The following TULP2 variants were observed in gnomAD, a reference collection of about 807,000 sequenced individuals.
TULP2 encodes TUB like protein 2, also known as tubby-related protein 2.
TULP2 carries 64 observed loss-of-function variants against 60.3 expected under a neutral mutation model. The observed-to-expected ratio is 1.06, with a 90% CI of 0.87 to 1.31. The LOEUF is 1.31. Among genes scored for constraint, TULP2 ranks in the 50% most tolerant of loss-of-function variants. TULP2 has a pLI of 0.00. For missense variants in TULP2, 652 were observed against 667.0 expected, an observed-to-expected ratio of 0.98 and a Z score of 0.25; for synonymous variants, 267 against 265.4, an observed-to-expected ratio of 1.01 and a Z score of -0.06.
At chr19:48,896,356 T>A in intron 4 of TULP2, 74 bp downstream of exon 4, 1 of 1,490,274 alleles carries the variant, frequency 6.7e-7, no homozygotes, top group Non-Finnish European at 8.9e-7. Context: ...CACCCCTTCA[T>A]CCACTAGGCC....
chr19:48,885,471 C>T lies in TULP2; in HGVS notation c.1038G>A (p.Gly346=). ...ACCTGACTTTGCCCACGAAATTGTC[C>T]CCGTCCCGAGATAGGTGTGTAGGAT... ...SLDPTHLSRD[G]DNFVGKVRSN... The change falls in exon 9 of 13, where the codon GGG becomes GGA. Residue 346 remains glycine (G), a synonymous_variant. Coordinates refer to ENST00000221399, the MANE Select transcript of TULP2 (RefSeq NM_003323.3). 2 of 1,613,972 alleles carry T rather than the reference C, an allele frequency of 1.2e-6. No individual in the cohort carries two copies. Among genetic ancestry groups the T allele is most frequent in the Non-Finnish European group, 1.7e-6 (2 of 1,179,936 alleles).
rs765354268 is a variant in TULP2 at position 48,883,852 on chromosome 19, C to T, written c.1177G>A (p.Glu393Lys). ...IRQELGAVCY[E>K]PNVLGYLGPR... ...CCCAGGTATCCTAAGACGTTGGGCT[C>T]CTGGGGGTATTACATTCCAGTTGGC... The change falls in exon 11 of 13, where the codon GAG becomes AAG. Residue 393 changes from glutamate (E) to lysine (K), a missense_variant and splice_region_variant. Transcript: ENST00000221399. 3 of 1,613,992 alleles carry T rather than the reference C, an allele frequency of 1.9e-6. No homozygotes were observed. The African/African-American group carries it at 4.0e-5, about 22-fold the overall frequency.
At position 48,881,134 on chromosome 19, in the gene TULP2, G is replaced by A. The variant is rs1190499937; in HGVS notation, c.1448-8C>T. On this transcript the variant is annotated splice_polypyrimidine_tract_variant and splice_region_variant and intron_variant, in intron 12 of 12. Coordinates refer to ENST00000221399, the MANE Select transcript of TULP2 (RefSeq NM_003323.3). ...GGAGCACCAGATGTTCTTCTGAGAA[G>A]TGAATCAGGAACAAAGCCTTAGCCT... 1.9e-6 allele frequency: 3 copies of A among 1,578,434 alleles called. No individual in the cohort carries two copies. In the African/African-American group the frequency reaches 4.1e-5, roughly 21 times the overall value.
At chr19:48,891,338 A>AG (rs2037231290) in intron 6 of TULP2, among the ~76,000 whole-genome samples, 1 of 134,698 alleles carries the variant, frequency 7.4e-6, no homozygotes, top group Non-Finnish European at 1.6e-5. Flanking sequence ...AAAAAAAAAA[A>AG]ATTTGTTAGG....
chr19:48,884,128 C>G lies in TULP2; in HGVS notation c.1062-82G>C, dbSNP rs761937184. 6.8e-5 allele frequency: 74 copies of G among 1,095,618 alleles called. 1 individual carries two copies. In the Middle Eastern group the frequency reaches 1.2e-3, roughly 18 times the overall value. 67.9% of individuals were successfully genotyped at this position (1,095,618 alleles called of 1,614,324 possible). A position where few individuals can be genotyped will look rare whatever the true frequency, so the allele number is the denominator to read the frequency against. On this transcript the variant is annotated intron_variant, in intron 9 of 12. Coordinates refer to ENST00000221399, the MANE Select transcript of TULP2 (RefSeq NM_003323.3). ...GTGTCACTCATCGCATCGACTCTTC[C>G]CATCAATCCCCTATGTCTAAGACTA...
At position 48,895,438 on chromosome 19, in the gene TULP2, C is replaced by T; in HGVS notation, c.277G>A (p.Ala93Thr). Residue 93 changes from alanine (A) to threonine (T), a missense_variant, in exon 5 of 13, where the codon GCC (alanine) becomes ACC (threonine). Ala to Thr is a moderately conservative substitution (Grantham distance 58). Coordinates refer to ENST00000221399, the MANE Select transcript of TULP2 (RefSeq NM_003323.3). The part of the protein sequence containing the change: ...EAHLPSGIHS[A>T]LGTVSCGGDG... ...CCACCACAGCTCACGGTGCCCAGGG[C>T]ACTGTGGATGCCAGAGGGCAGATGT... The T allele has an allele frequency of 6.2e-7, 1 of 1,613,890 alleles. No homozygotes were observed. Among genetic ancestry groups the T allele is most frequent in the Non-Finnish European group, 8.5e-7 (1 of 1,179,908 alleles).
At position 48,884,845 on chromosome 19, in the gene TULP2, T is replaced by C. The variant is rs565953361; in HGVS notation, c.1061+603A>G. 4.0e-5 allele frequency among the ~76,000 whole-genome samples: 6 copies of C among 151,830 alleles called. No individual in the cohort carries two copies. In the South Asian group the frequency reaches 1.2e-3, roughly 32 times the overall value. On this transcript the variant is annotated intron_variant, in intron 9 of 12. Coordinates refer to ENST00000221399, the MANE Select transcript of TULP2 (RefSeq NM_003323.3). ...CCATGGTCCCAGGCCCCCTCATTTC[T>C]TGGGTGAGCCATGTACTTTATGTAG...
At chr19:48,888,644 C>G (rs2037205290) in intron 7 of TULP2, among the ~76,000 whole-genome samples, 1 of 152,136 alleles carries the variant, frequency 6.6e-6, no homozygotes, top group Admixed American at 6.6e-5. Context: ...TTTTTTAAGA[C>G]AGAGTTTCGC....
intron 8 of TULP2, 102 bp downstream of exon 8, chr19:48,887,848 G>T: frequency 7.7e-7 from 1 of 1,303,986 alleles, no homozygotes. Flanking sequence ...GTGAGCCACT[G>T]TGCCCAGCCC....
chr19:48,897,008 G>C lies in TULP2; in HGVS notation c.84+337C>G, dbSNP rs570171202. On this transcript the variant is annotated intron_variant, in intron 3 of 12. Coordinates refer to ENST00000221399, the MANE Select transcript of TULP2 (RefSeq NM_003323.3). The surrounding 1 kb of genome is among the most constrained non-coding windows in gnomAD (Gnocchi z 4.0). ...GGATTCAAACGATTCTCCTGCCTCA[G>C]CCTCCCGAGTAGCTGGGATTACAGG... Among the ~76,000 whole-genome samples, 2 of 151,856 alleles carry C rather than the reference G, an allele frequency of 1.3e-5. No homozygotes were observed. Among genetic ancestry groups the C allele is most frequent in the Admixed American group, 6.6e-5 (1 of 15,218 alleles).
In TULP2 at chr19:48,895,421, G is replaced by T; in HGVS notation, c.294C>A (p.Ser98Arg). 1 of 1,614,012 alleles carries T rather than the reference G, an allele frequency of 6.2e-7. No individual in the cohort carries two copies. The highest frequency in any genetic ancestry group is 8.5e-7 in the Non-Finnish European group (1 of 1,179,986). The change falls in exon 5 of 13, where the codon AGC becomes AGA. Residue 98 changes from serine to arginine, a missense_variant. Transcript: ENST00000221399. ...GCTCGCCCCTGCCGTCTCCACCACA[G>T]CTCACGGTGCCCAGGGCACTGTGGA... ...SGIHSALGTVSCGGDGRGERG... is the reference protein window; with the variant it reads ...SGIHSALGTVRCGGDGRGERG...
intron 6 of TULP2, among the ~76,000 whole-genome samples, chr19:48,892,922 CTCAA>C (rs2037246745): frequency 6.9e-6 from 1 of 144,542 alleles, no homozygotes; most frequent in African/African-American, 2.6e-5. Flanking sequence ...GAGACTCCGT[CTCAA>C]AAAAAAAAAA....
chr19:48,885,227 A>ACACATTCCAGGCCTCTTTTCC (rs1317749650), intron 9 of TULP2, among the ~76,000 whole-genome samples: 1 of 152,018 alleles, frequency 6.6e-6, no homozygotes, highest in East Asian at 1.9e-4. Flanking sequence ...GCAATAATTC[A>ACACATTCCAGGCCTCTTTTCC]CACATTCCAG....
rs374250971 is a variant in TULP2 at position 48,896,021 on chromosome 19, G to T, written c.211+409C>A. ...CCGCACGTAAAGAATCTCGCGCCAG[G>T]CTCTCGTAATGAGACCGCGCCCCGC... On this transcript the variant is annotated intron_variant, in intron 4 of 12. Transcript: ENST00000221399. Among the ~76,000 whole-genome samples, 47 of 152,166 alleles carry T rather than the reference G, an allele frequency of 3.1e-4. 2 individuals are homozygous for T. In the East Asian group the frequency reaches 5.4e-3, roughly 17 times the overall value.
At chr19:48,882,900 C>G (rs1176249016) in intron 11 of TULP2, among the ~76,000 whole-genome samples, 5 of 152,042 alleles carry the variant, frequency 3.3e-5, no homozygotes, top group Non-Finnish European at 7.4e-5. Context: ...AATGTTAGCA[C>G]AGGTCTTTGA....
intron 6 of TULP2, among the ~76,000 whole-genome samples, chr19:48,894,378 T>G (rs1258414147): frequency 6.6e-6 from 1 of 152,028 alleles, no homozygotes; most frequent in African/African-American, 2.4e-5. Flanking sequence ...CATGATGGTT[T>G]ATGCCTGTAA....
At position 48,895,083 on chromosome 19, in the gene TULP2, G is replaced by A. The variant is rs187792889; in HGVS notation, c.429C>T (p.Ser143=). The A allele has an allele frequency of 1.9e-6, 3 of 1,614,094 alleles. No homozygotes were observed. Among genetic ancestry groups the A allele is most frequent in the South Asian group, 2.2e-5 (2 of 91,078 alleles). The change falls in exon 6 of 13, where the codon TCC becomes TCT. Residue 143 remains serine (S), a synonymous_variant. Transcript: ENST00000221399. ...DNSDAELEEV[S]VENGSVSPPP... The stretch of plus-strand genomic sequence containing the variant: ...GGGGAGAGACGGAACCATTCTCCAC[G>A]GAGACTTCCTCCAATTCTGCATCGG...
At position 48,889,491 on chromosome 19, in the gene TULP2, T is replaced by A; in HGVS notation, c.636+19A>T. 6.4e-7 allele frequency: 1 copy of A among 1,568,634 alleles called. No individual in the cohort carries two copies. Among genetic ancestry groups the A allele is most frequent in the Non-Finnish European group, 8.7e-7 (1 of 1,145,680 alleles). ...AGCCCTCTTCTTCCAATATCCTGAG[T>A]GATTGTGCATTTTCCTACCTTTTGG... is the stretch of plus-strand genomic sequence containing the variant. On this transcript the variant is annotated intron_variant, in intron 7 of 12. Transcript: ENST00000221399.
intron 6 of TULP2, among the ~76,000 whole-genome samples, chr19:48,892,380 C>G (rs546758324): frequency 6.6e-6 from 1 of 152,352 alleles, no homozygotes; most frequent in East Asian, 1.9e-4. Context: ...ACCATTTTTA[C>G]CAAAGCACAT....
Sources: allele counts gnomAD v4.1 joint callset (sites outside exome capture counted in the v4.1 genomes callset), GRCh38; gene constraint gnomAD v4.1.1; non-coding constraint Gnocchi (gnomAD v3.1); transcripts MANE v1.5; gene names NCBI Gene and HGNC (gene_info 2026-07-23, HGNC 2026-07-21).